RSU1: variants seen among roughly 807,000 people sequenced by gnomAD.
RSU1 encodes the protein Ras suppressor protein 1, also known as rsu-1.
In RSU1, 26 loss-of-function variants were observed where a neutral mutation model predicts 31.1. The ratio of observed to expected loss-of-function variants is 0.84; its 90% CI spans 0.61 to 1.16. RSU1 has a LOEUF of 1.16. RSU1 is among the 50% of genes most tolerant of loss of function. The probability of loss-of-function intolerance (pLI) is 0.00; values close to 1 mark genes in which losing one functional copy is unlikely to be tolerated. For synonymous variants in RSU1, 164 were observed against 136.3 expected (o/e 1.20, Z -1.41); for missense variants, 320 against 339.1 (o/e 0.94, Z 0.44).
chr10:16,647,504 T>C (rs944167320), intron 8 of RSU1, among the ~76,000 whole-genome samples: 2 of 152,178 alleles, frequency 1.3e-5, no homozygotes, highest in Non-Finnish European at 2.9e-5. Context: ...TATCCATCAA[T>C]TTGTGAATGG....
At chr10:16,782,544 G>C (rs1837675940) in intron 2 of RSU1, among the ~76,000 whole-genome samples, 1 of 152,192 alleles carries the variant, frequency 6.6e-6, no homozygotes, top group African/African-American at 2.4e-5. Context: ...AAGGCCGCCA[G>C]TGTTATTGCT....
chr10:16,632,637 C>T (rs1448468137), intron 8 of RSU1, among the ~76,000 whole-genome samples: 1 of 152,174 alleles, frequency 6.6e-6, no homozygotes, highest in Non-Finnish European at 1.5e-5. Flanking sequence ...ACAAACTCTT[C>T]TGTAAGAACC....
At chr10:16,692,072 A>G (rs1835567575) in intron 8 of RSU1, among the ~76,000 whole-genome samples, 1 of 152,148 alleles carries the variant, frequency 6.6e-6, no homozygotes, top group Non-Finnish European at 1.5e-5. Flanking sequence ...GAAACTTTTT[A>G]ATGTTGACTT....
chr10:16,705,551 G>A (rs562922428), intron 7 of RSU1, among the ~76,000 whole-genome samples: 57 of 152,006 alleles, frequency 3.7e-4, no homozygotes, highest in African/African-American at 1.3e-3. Context: ...GTGCAGAGGC[G>A]TGATCTCAGC....
At chr10:16,629,476 T>C (rs929759655) in intron 8 of RSU1, among the ~76,000 whole-genome samples, 4 of 152,038 alleles carry the variant, frequency 2.6e-5, no homozygotes, top group Non-Finnish European at 5.9e-5. Flanking sequence ...GAGGGAGAAT[T>C]GAGGTCACTG....
At chr10:16,746,687 T>C (rs1204529505) in intron 7 of RSU1, among the ~76,000 whole-genome samples, 1 of 141,750 alleles carries the variant, frequency 7.1e-6, no homozygotes, top group African/African-American at 2.7e-5. Context: ...TTTTTTTTTT[T>C]TCCTGGGGCT....
At chr10:16,793,910 G>A (rs554465932) in intron 2 of RSU1, among the ~76,000 whole-genome samples, 10 of 151,816 alleles carry the variant, frequency 6.6e-5, no homozygotes, top group Middle Eastern at 3.4e-3. Context: ...GGTGTTTCCA[G>A]AAGAGATTAG....
intron 8 of RSU1, among the ~76,000 whole-genome samples, chr10:16,682,217 G>A (rs1835338851): frequency 6.6e-6 from 1 of 152,124 alleles, no homozygotes; most frequent in Non-Finnish European, 1.5e-5. Context: ...ACCCTCAGAG[G>A]CGTTCGAACC....
intron 7 of RSU1, among the ~76,000 whole-genome samples, chr10:16,695,893 C>T (rs1835664135): frequency 6.6e-6 from 1 of 152,078 alleles, no homozygotes; most frequent in Admixed American, 6.6e-5. Context: ...GTGAGGCCAT[C>T]AGGTTACATA....
chr10:16,666,791 C>A (rs954099207), intron 8 of RSU1, among the ~76,000 whole-genome samples: 1 of 151,932 alleles, frequency 6.6e-6, no homozygotes, highest in Non-Finnish European at 1.5e-5. Context: ...AGTTCAAGAC[C>A]AGCCTGGCCA....
intron 8 of RSU1, among the ~76,000 whole-genome samples, chr10:16,643,967 A>G (rs1460465102): frequency 1.3e-5 from 2 of 152,140 alleles, no homozygotes. Context: ...CGTTGACATC[A>G]TATTGGGTAT....
chr10:16,630,494 G>A (rs1008478166), intron 8 of RSU1, among the ~76,000 whole-genome samples: 4 of 152,078 alleles, frequency 2.6e-5, no homozygotes, highest in South Asian at 2.1e-4. Flanking sequence ...TCAATCTTGC[G>A]TCACACAGCT....
rs575375333 is a variant in RSU1, at chr10:16,752,726, T to C, written c.484-73A>G. 1.8e-4 allele frequency: 212 copies of C among 1,173,680 alleles called. No homozygotes were observed. The African/African-American group carries it at 3.1e-3, about 17-fold the overall frequency. 72.7% of individuals were successfully genotyped at this position (1,173,680 alleles called of 1,614,324 possible). ...GCTCCACAGAAACTCTCATCCTCTA[T>C]GTCCTCTCTTCTACTAAAGCTCAAT... is the stretch of plus-strand genomic sequence containing the variant. On this transcript the variant is annotated intron_variant, in intron 6 of 8. Transcript: ENST00000345264.
rs540790571 is a variant in RSU1 at position 16,806,568 on chromosome 10, T to C, written c.109+10405A>G. 3.3e-5 allele frequency among the ~76,000 whole-genome samples: 5 copies of C among 152,252 alleles called. No homozygotes were observed. In the South Asian group the frequency reaches 1.0e-3, roughly 32 times the overall value. Reference sequence around the variant, plus strand: ...ACAGAGGGCTTAGCACAATGCCTGGTATGTGGTAAATGTGTGCGTGTATTA... The same window carrying C: ...ACAGAGGGCTTAGCACAATGCCTGGCATGTGGTAAATGTGTGCGTGTATTA... On this transcript the variant is annotated intron_variant, in intron 2 of 8. Transcript: ENST00000345264.
In RSU1 at chr10:16,645,950, G is replaced by GTA. The variant is rs1349876352; in HGVS notation, c.731+49071_731+49072dup. 2.0e-4 allele frequency among the ~76,000 whole-genome samples: 8 copies of GTA among 39,246 alleles called. 2 individuals are homozygous for GTA. The highest frequency in any genetic ancestry group is 1.2e-3 in the South Asian group (1 of 826). 25.7% of individuals were successfully genotyped at this position (39,246 alleles called of 152,430 possible). A position where few individuals can be genotyped will look rare whatever the true frequency, so the allele number is the denominator to read the frequency against. ...TATACACATATGTGTATATATATGT[G>GTA]TATATACATATATGTGTATATATAT... On this transcript the variant is annotated intron_variant, in intron 8 of 8. Coordinates refer to ENST00000345264, the MANE Select transcript of RSU1 (RefSeq NM_012425.4).
At chr10:16,681,363 G>A (rs906446381) in intron 8 of RSU1, among the ~76,000 whole-genome samples, 2 of 152,104 alleles carry the variant, frequency 1.3e-5, no homozygotes, top group African/African-American at 2.4e-5. Flanking sequence ...TCAGGAATTC[G>A]TGTGTAAGAA....
chr10:16,725,145 T>C (rs1003481668), intron 7 of RSU1, among the ~76,000 whole-genome samples: 2 of 152,208 alleles, frequency 1.3e-5, no homozygotes, highest in Non-Finnish European at 2.9e-5. Flanking sequence ...GCTTATGTTA[T>C]ATGCGCTTTT....
chr10:16,787,971 C>T (rs1837829821), intron 2 of RSU1, among the ~76,000 whole-genome samples: 1 of 152,212 alleles, frequency 6.6e-6, no homozygotes, highest in South Asian at 2.1e-4. Context: ...TGGTTTCCCA[C>T]ATCATGGTTA....
intron 7 of RSU1, among the ~76,000 whole-genome samples, chr10:16,733,626 A>T (rs1017419784): frequency 6.6e-6 from 1 of 152,218 alleles, no homozygotes; most frequent in African/African-American, 2.4e-5. Context: ...GCTGTAATAA[A>T]TTAGGGTTCA....
Sources: gnomAD v4.1 joint callset for allele counts (sites outside exome capture counted in the v4.1 genomes callset) on GRCh38, gnomAD v4.1.1 for gene constraint, MANE v1.5 for transcripts, NCBI Gene and HGNC (gene_info 2026-07-23, HGNC 2026-07-21) for gene names.